Variants in TEX44 observed in about 807,000 individuals in gnomAD.
TEX44 encodes testis expressed 44.
For missense variants in TEX44, 487 were observed against 509.6 expected, an observed-to-expected ratio of 0.96 and a Z score of 0.43; for synonymous variants, 196 against 205.9, an observed-to-expected ratio of 0.95 and a Z score of 0.41.
In TEX44 at chr2:231,593,495, C is replaced by T; in HGVS notation, c.544C>T (p.His182Tyr). ...DHVTAGANGQ[H>Y]GPQAASTTKS... ...TGTCACAGCAGGTGCCAATGGCCAG[C>T]ATGGCCCTCAGGCTGCCAGCACCAC... The change falls in exon 1 of 1, where the codon CAT becomes TAT. Residue 182 changes from histidine (H) to tyrosine (Y), a missense_variant. Transcript: ENST00000313965. 6.2e-7 allele frequency: 1 copy of T among 1,614,142 alleles called. No individual in the cohort carries two copies. The highest frequency in any genetic ancestry group is 8.5e-7 in the Non-Finnish European group (1 of 1,180,040).
rs752798044 is a variant in TEX44, at chr2:231,593,745, C to T, written c.794C>T (p.Thr265Met). The T allele has an allele frequency of 3.2e-5, 51 of 1,611,034 alleles. 1 individual carries two copies. Among genetic ancestry groups the T allele is most frequent in the South Asian group, 7.7e-5 (7 of 91,064 alleles). Residue 265 changes from threonine (T) to methionine (M), a missense_variant, in exon 1 of 1, where the codon ACG (threonine) becomes ATG (methionine). Physicochemically the swap from Thr to Met is moderately conservative, Grantham distance 81. Transcript: ENST00000313965. ...GRRPLDSSLY[T>M]ASEENSYMRS... ...AGGCCCCTGGACTCCAGCCTGTACACGGCCAGTGAGGAGAACAGCTACATG... is the reference window on the plus strand; with the variant it reads ...AGGCCCCTGGACTCCAGCCTGTACATGGCCAGTGAGGAGAACAGCTACATG...
Position 231,592,983 on chromosome 2 carries a change from T to C in TEX44, c.32T>C (p.Val11Ala), listed in dbSNP as rs1248759770. 3 of 1,613,696 alleles carry C rather than the reference T, an allele frequency of 1.9e-6. No individual in the cohort carries two copies. In the African/African-American group the frequency reaches 4.0e-5, roughly 22 times the overall value. The stretch of plus-strand genomic sequence containing the variant: ...CTCCCAGGGTACCCCCTGGGCAACG[T>C]GGATGACAGCAGGTCTAAGGACAGC... MALPGYPLGN[V>A]DDSRSKDSPA... Residue 11 changes from valine (V) to alanine (A), a missense_variant, in exon 1 of 1, where the codon GTG (valine) becomes GCG (alanine). By Grantham distance (64) the Val-to-Ala change is moderately conservative. Transcript: ENST00000313965.
the TEX44 span, chr2:231,593,650 G>A: frequency 3.7e-6 from 6 of 1,613,486 alleles, no homozygotes; most frequent in African/African-American, 1.3e-5. Flanking sequence ...TGCAGACTTG[G>A]TTCTTCCCTC....
In TEX44 at chr2:231,594,057, T is replaced by A. The variant is rs777214430; in HGVS notation, c.1106T>A (p.Val369Glu). The A allele has an allele frequency of 6.2e-7, 1 of 1,612,258 alleles. No homozygotes were observed. The highest frequency in any genetic ancestry group is 2.2e-5 in the East Asian group (1 of 44,864). ...RVLETVEQRT[V>E]EGIRSAMRYL... ...CTGGAGACAGTGGAGCAGAGGACCG[T>A]GGAGGGCATCCGCTCAGCCATGCGC... Residue 369 changes from valine (V) to glutamate (E), a missense_variant, in exon 1 of 1, where the codon GTG becomes GAG. Physicochemically the swap from Val to Glu is moderately radical, Grantham distance 121. Coordinates refer to ENST00000313965, the MANE Select transcript of TEX44 (RefSeq NM_152614.3).
At position 231,593,063 on chromosome 2, in the gene TEX44, A is replaced by G; in HGVS notation, c.112A>G (p.Ser38Gly). 2 of 1,614,152 alleles carry G rather than the reference A, an allele frequency of 1.2e-6. No individual in the cohort carries two copies. The highest frequency in any genetic ancestry group is 1.7e-6 in the Non-Finnish European group (2 of 1,180,022). The change falls in exon 1 of 1, where the codon AGC becomes GGC. Residue 38 changes from serine (S) to glycine (G), a missense_variant. By Grantham distance (56) the Ser-to-Gly change is moderately conservative. Transcript: ENST00000313965. The stretch of plus-strand genomic sequence containing the variant: ...ACTCACAGCAGATGTCTTGGCAGTG[A>G]GCAGCTCTGTCGCATCCACTGACTG... ...VPLTADVLAV[S>G]SSVASTDWQD...
Position 231,594,014 on chromosome 2 carries a change from C to T in TEX44, c.1063C>T (p.Arg355Cys), listed in dbSNP as rs201807756. Reference protein sequence around the residue: ...GLVSGTSSALRTITRVLETVE... With the variant: ...GLVSGTSSALCTITRVLETVE... ...GGTGTCAGGGACCAGCTCAGCCCTGCGCACCATCACCCGTGTGCTGGAGAC... is the reference window on the plus strand; with the variant it reads ...GGTGTCAGGGACCAGCTCAGCCCTGTGCACCATCACCCGTGTGCTGGAGAC... The change falls in exon 1 of 1, where the codon CGC becomes TGC. Residue 355 changes from arginine (R) to cysteine (C), a missense_variant. Coordinates refer to ENST00000313965, the MANE Select transcript of TEX44 (RefSeq NM_152614.3). 2.0e-5 allele frequency: 32 copies of T among 1,611,720 alleles called. No homozygotes were observed. Among genetic ancestry groups the T allele is most frequent in the East Asian group, 2.2e-5 (1 of 44,870 alleles).
rs1179152232 is a variant in TEX44 at position 231,592,901 on chromosome 2, T to C, written c.-51T>C. 6.8e-7 allele frequency: 1 copy of C among 1,474,564 alleles called. No homozygotes were observed. Among genetic ancestry groups the C allele is most frequent in the Admixed American group, 1.7e-5 (1 of 58,796 alleles). 91.3% of individuals were successfully genotyped at this position (1,474,564 alleles called of 1,614,324 possible). ...CGCCACAAGCAGCAAAGGGCATAGA[T>C]GACCACAGGAGAGCCCTAGGGGGAG... On this transcript the variant is annotated 5_prime_UTR_variant, in exon 1 of 1. It removes an upstream start codon present in the reference 5' UTR. Coordinates refer to ENST00000313965, the MANE Select transcript of TEX44 (RefSeq NM_152614.3).
chr2:231,594,038 A>C lies in TEX44; in HGVS notation c.1087A>C (p.Thr363Pro). 6.2e-7 allele frequency: 1 copy of C among 1,612,718 alleles called. No homozygotes were observed. The highest frequency in any genetic ancestry group is 8.5e-7 in the Non-Finnish European group (1 of 1,179,972). ...GCGCACCATCACCCGTGTGCTGGAG[A>C]CAGTGGAGCAGAGGACCGTGGAGGG... is the stretch of plus-strand genomic sequence containing the variant. ...ALRTITRVLE[T>P]VEQRTVEGIR... Residue 363 changes from threonine to proline, a missense_variant, in exon 1 of 1, where the codon ACA becomes CCA. Physicochemically the swap from Thr to Pro is conservative, Grantham distance 38. Coordinates refer to ENST00000313965, the MANE Select transcript of TEX44 (RefSeq NM_152614.3).
At position 231,592,936 on chromosome 2, in the gene TEX44, A is replaced by G. The variant is rs1355456316; in HGVS notation, c.-16A>G. ...AGAGCCCTAGGGGGAGGCCGGCTCC[A>G]CCAGCAGCCCCATACATGGCACTCC... On this transcript the variant is annotated 5_prime_UTR_variant, in exon 1 of 1. Transcript: ENST00000313965. The G allele has an allele frequency of 1.3e-6, 2 of 1,594,706 alleles. No individual in the cohort carries two copies. The highest frequency in any genetic ancestry group is 3.3e-5 in the Admixed American group (2 of 59,888).
rs377395497 is a variant in TEX44, at chr2:231,593,183, G to C, written c.232G>C (p.Gly78Arg). ...KDKSAVVPEH[G>R]QKTPRKITPL... Reference sequence around the variant, plus strand: ...CAAGAGTGCAGTTGTTCCAGAACACGGCCAGAAGACACCCAGAAAAATCAC... The same window carrying C: ...CAAGAGTGCAGTTGTTCCAGAACACCGCCAGAAGACACCCAGAAAAATCAC... Residue 78 changes from glycine (G) to arginine (R), a missense_variant, in exon 1 of 1, where the codon GGC becomes CGC. By Grantham distance (125) the Gly-to-Arg change is moderately radical. Transcript: ENST00000313965. 30 of 1,613,968 alleles carry C rather than the reference G, an allele frequency of 1.9e-5. No individual in the cohort carries two copies. The highest frequency in any genetic ancestry group is 2.5e-5 in the Non-Finnish European group (29 of 1,180,028).
Position 231,593,280 on chromosome 2 carries a change from G to A in TEX44, c.329G>A (p.Arg110Lys). Residue 110 changes from arginine to lysine, a missense_variant, in exon 1 of 1, where the codon AGG becomes AAG. Coordinates refer to ENST00000313965, the MANE Select transcript of TEX44 (RefSeq NM_152614.3). ...AGCCTTCAGAATCCAGCGTGGGACA[G>A]GCAGGTTCAAGACGCAAGGACAAGT... Reference protein sequence around the residue: ...SMSLQNPAWDRQVQDARTSQS... With the variant: ...SMSLQNPAWDKQVQDARTSQS... The A allele has an allele frequency of 6.2e-7, 1 of 1,614,174 alleles. No individual in the cohort carries two copies. Among genetic ancestry groups the A allele is most frequent in the South Asian group, 1.1e-5 (1 of 91,088 alleles).
chr2:231,593,386 G>A lies in TEX44; in HGVS notation c.435G>A (p.Pro145=), dbSNP rs759106565. 41 of 1,614,078 alleles carry A rather than the reference G, an allele frequency of 2.5e-5. No individual in the cohort carries two copies. Among genetic ancestry groups the A allele is most frequent in the Admixed American group, 1.0e-4 (6 of 60,004 alleles). ...SQMASVPERE[P]ESAPSAPSAE... ...TGGCGAGTGTTCCTGAGAGAGAGCC[G>A]GAGTCAGCCCCCTCTGCCCCGAGTG... The change falls in exon 1 of 1, where the codon CCG becomes CCA. Residue 145 remains proline (P), a synonymous_variant. Transcript: ENST00000313965.
In TEX44 at chr2:231,594,141, G is replaced by GAC. The variant is rs770786040; in HGVS notation, c.*2_*3insAC. ...CAGGCTGACCCCAACTATGATTAGA[G>GAC]CCCTGCACAGGGACCCCCGAAGGGC... On this transcript the variant is annotated 3_prime_UTR_variant, in exon 1 of 1. Transcript: ENST00000313965. 3 of 1,611,646 alleles carry GAC rather than the reference G, an allele frequency of 1.9e-6. No individual in the cohort carries two copies. The South Asian group carries it at 3.3e-5, about 18-fold the overall frequency.
Position 231,593,185 on chromosome 2 carries a change from C to T in TEX44, c.234C>T (p.Gly78=), listed in dbSNP as rs1467662093. 6.2e-7 allele frequency: 1 copy of T among 1,614,114 alleles called. No individual in the cohort carries two copies. Among genetic ancestry groups the T allele is most frequent in the African/African-American group, 1.3e-5 (1 of 75,038 alleles). Residue 78 remains glycine (G), a synonymous_variant, in exon 1 of 1, where the codon GGC becomes GGT. Transcript: ENST00000313965. ...AGAGTGCAGTTGTTCCAGAACACGGCCAGAAGACACCCAGAAAAATCACAC... is the reference window on the plus strand; with the variant it reads ...AGAGTGCAGTTGTTCCAGAACACGGTCAGAAGACACCCAGAAAAATCACAC... ...KDKSAVVPEH[G]QKTPRKITPL...
rs544459786 is a variant in TEX44 at position 231,593,963 on chromosome 2, G to A, written c.1012G>A (p.Val338Ile). 2.6e-5 allele frequency: 42 copies of A among 1,609,688 alleles called. No homozygotes were observed. Among genetic ancestry groups the A allele is most frequent in the African/African-American group, 1.5e-4 (11 of 74,920 alleles). The change falls in exon 1 of 1, where the codon GTC becomes ATC. Residue 338 changes from valine (V) to isoleucine (I), a missense_variant. Val to Ile is a conservative substitution (Grantham distance 29). Coordinates refer to ENST00000313965, the MANE Select transcript of TEX44 (RefSeq NM_152614.3). ...LRSVPSLVGS[V>I]SSAFSSGLVS... Reference sequence around the variant, plus strand: ...CTCGGTCCCCAGCCTGGTGGGAAGCGTCAGCTCGGCCTTCTCCTCTGGGCT... The same window carrying A: ...CTCGGTCCCCAGCCTGGTGGGAAGCATCAGCTCGGCCTTCTCCTCTGGGCT...
rs959647094 is a variant in TEX44 at position 231,593,069 on chromosome 2, T to A, written c.118T>A (p.Ser40Thr). The A allele has an allele frequency of 6.2e-7, 1 of 1,614,086 alleles. No individual in the cohort carries two copies. The highest frequency in any genetic ancestry group is 8.5e-7 in the Non-Finnish European group (1 of 1,180,008). The change falls in exon 1 of 1, where the codon TCT becomes ACT. Residue 40 changes from serine to threonine, a missense_variant. Physicochemically the swap from Ser to Thr is moderately conservative, Grantham distance 58 (BLOSUM62 1). Coordinates refer to ENST00000313965, the MANE Select transcript of TEX44 (RefSeq NM_152614.3). ...AGCAGATGTCTTGGCAGTGAGCAGC[T>A]CTGTCGCATCCACTGACTGGCAGGA... is the stretch of plus-strand genomic sequence containing the variant. ...LTADVLAVSS[S>T]VASTDWQDID...
rs1190448370 is a variant in TEX44, at chr2:231,592,877, G to A, written c.-75G>A. On this transcript the variant is annotated 5_prime_UTR_variant, in exon 1 of 1. Transcript: ENST00000313965. ...TGGGTTGCAGCCACTCCCTCCAACC[G>A]CCACAAGCAGCAAAGGGCATAGATG... The A allele has an allele frequency of 5.5e-6, 7 of 1,262,970 alleles. No homozygotes were observed. The highest frequency in any genetic ancestry group is 1.9e-4 in the Middle Eastern group (1 of 5,180). 78.2% of individuals were successfully genotyped at this position (1,262,970 alleles called of 1,614,324 possible).
rs572080638 is a variant in TEX44, at chr2:231,594,165, G to A, written c.*26G>A. On this transcript the variant is annotated 3_prime_UTR_variant, in exon 1 of 1. Transcript: ENST00000313965. ...AGCCCTGCACAGGGACCCCCGAAGG[G>A]CTGGTTCAGTGGCCTCCAGAGATCC... 2 of 1,595,722 alleles carry A rather than the reference G, an allele frequency of 1.3e-6. No individual in the cohort carries two copies. The highest frequency in any genetic ancestry group is 1.1e-5 in the South Asian group (1 of 89,358).
At position 231,593,314 on chromosome 2, in the gene TEX44, A is replaced by G. The variant is rs1559209774; in HGVS notation, c.363A>G (p.Leu121=). 6.2e-7 allele frequency: 1 copy of G among 1,614,186 alleles called. No homozygotes were observed. The highest frequency in any genetic ancestry group is 2.2e-5 in the East Asian group (1 of 44,888). ...AAGACGCAAGGACAAGTCAGAGTCTAGTGGTTTTCCCAAGTCACCTCCTGG... is the reference window on the plus strand; with the variant it reads ...AAGACGCAAGGACAAGTCAGAGTCTGGTGGTTTTCCCAAGTCACCTCCTGG... ...QVQDARTSQS[L]VVFPSHLLGK... Residue 121 remains leucine, a synonymous_variant, in exon 1 of 1, where the codon CTA becomes CTG. Coordinates refer to ENST00000313965, the MANE Select transcript of TEX44 (RefSeq NM_152614.3).
Sources: allele counts gnomAD v4.1 joint callset, GRCh38; gene constraint gnomAD v4.1.1; transcripts MANE v1.5; gene names NCBI Gene and HGNC (gene_info 2026-07-23, HGNC 2026-07-21).